Variants in HIBCH observed in about 807,000 individuals in gnomAD.
HIBCH encodes 3-hydroxyisobutyryl-CoA hydrolase, mitochondrial.
A neutral mutation model predicts 58.2 loss-of-function variants in HIBCH; 50 were observed. The observed-to-expected ratio is 0.86, with a 90% CI of 0.68 to 1.09. The LOEUF (loss-of-function observed/expected upper bound fraction) is 1.09. HIBCH is among the 50% of genes least tolerant of loss of function. The pLI is 0.00. For synonymous variants in HIBCH, 151 were observed against 146.9 expected, an observed-to-expected ratio of 1.03 and a Z score of -0.20; for missense variants, 450 against 449.7, an observed-to-expected ratio of 1.00 and a Z score of -0.01.
intron 11 of HIBCH, among the ~76,000 whole-genome samples, chr2:190,240,773 C>T (rs1686428213): frequency 6.6e-6 from 1 of 152,128 alleles, no homozygotes; most frequent in African/African-American, 2.4e-5. Context: ...GTTCACTTTC[C>T]ATGTATTGTG....
Position 190,205,012 on chromosome 2 carries a change from T to C in HIBCH, c.*105A>G. 1.4e-6 allele frequency: 1 copy of C among 704,190 alleles called. No homozygotes were observed. The highest frequency in any genetic ancestry group is 2.6e-6 in the Non-Finnish European group (1 of 382,456). 43.6% of individuals were successfully genotyped at this position (704,190 alleles called of 1,614,324 possible). A position where few individuals can be genotyped will look rare whatever the true frequency, so the allele number is the denominator to read the frequency against. ...CAACCATTTAAAAATGCGGAAACCA[T>C]TCTTAGCTTACAGGGTATATAAAAA... On this transcript the variant is annotated 3_prime_UTR_variant, in exon 14 of 14. Transcript: ENST00000359678.
intron 9 of HIBCH, among the ~76,000 whole-genome samples, chr2:190,249,200 T>C (rs1686694088): frequency 6.6e-6 from 1 of 152,200 alleles, no homozygotes; most frequent in Non-Finnish European, 1.5e-5. Flanking sequence ...CTAGAAGTTA[T>C]GGAGTGTTTT....
In HIBCH at chr2:190,284,892, T is replaced by G. The variant is rs1350793443; in HGVS notation, c.438+2694A>C. Among the ~76,000 whole-genome samples the G allele has an allele frequency of 2.6e-5, 4 of 152,200 alleles. No individual in the cohort carries two copies. The East Asian group carries it at 7.7e-4, about 29-fold the overall frequency. On this transcript the variant is annotated intron_variant, in intron 6 of 13. Coordinates refer to ENST00000359678, the MANE Select transcript of HIBCH (RefSeq NM_014362.4). The stretch of plus-strand genomic sequence containing the variant: ...TGGGAGTATTTGTTTTTACTTAAAG[T>G]CTTATTTCATTATATCTGATCATCA...
intron 11 of HIBCH, among the ~76,000 whole-genome samples, chr2:190,230,272 A>G (rs1319099092): frequency 6.6e-6 from 1 of 152,198 alleles, no homozygotes; most frequent in Non-Finnish European, 1.5e-5. Context: ...GTAAATGGGG[A>G]TGGTGGGTGG....
intron 6 of HIBCH, among the ~76,000 whole-genome samples, chr2:190,275,569 T>C (rs1687525474): frequency 6.6e-6 from 1 of 152,138 alleles, no homozygotes; most frequent in South Asian, 2.1e-4. Context: ...TACGCTAAAA[T>C]TGAAGCAAGA....
intron 1 of HIBCH, 47 bp downstream of exon 1, chr2:190,319,669 G>C (rs1197584370): frequency 6.7e-7 from 1 of 1,500,452 alleles, no homozygotes; most frequent in South Asian, 1.1e-5. Flanking sequence ...CCACTGTGGC[G>C]AGTGCCGCTG....
chr2:190,265,570 C>T lies in HIBCH; in HGVS notation c.439-4336G>A, dbSNP rs76675030. On this transcript the variant is annotated intron_variant, in intron 6 of 13. Transcript: ENST00000359678. ...TTTCAGTCTGTGGCTTGCCTTTTCA[C>T]TGTTTCAAGGATGTCTTGGAATGAA... Among the ~76,000 whole-genome samples the T allele has an allele frequency of 3.4e-3, 514 of 151,884 alleles. 7 individuals are homozygous for T. The highest frequency in any genetic ancestry group is 0.012 in the African/African-American group (488 of 41,400).
At chr2:190,195,941 CTTTTTTTTTTTT>C (rs35679833) in intron 1 of HIBCH, among the ~76,000 whole-genome samples, 1 of 86,210 alleles carries the variant, frequency 1.2e-5, no homozygotes, top group African/African-American at 4.1e-5. Context: ...CTGTGTCCAG[CTTTTTTTTTTTT>C]TTTTTTTTTG....
intron 11 of HIBCH, among the ~76,000 whole-genome samples, chr2:190,226,412 A>G (rs1247077885): frequency 6.6e-6 from 1 of 152,168 alleles, no homozygotes; most frequent in Non-Finnish European, 1.5e-5. Flanking sequence ...CCTGACCAAC[A>G]TGGAGAAACA....
intron 1 of HIBCH, among the ~76,000 whole-genome samples, chr2:190,314,009 G>A (rs1688625414): frequency 6.6e-6 from 1 of 151,944 alleles, no homozygotes. Flanking sequence ...AATGACTTTG[G>A]ATTCCTTAAT....
At chr2:190,291,215 A>G (rs1687948579) in intron 4 of HIBCH, among the ~76,000 whole-genome samples, 1 of 152,176 alleles carries the variant, frequency 6.6e-6, no homozygotes. Context: ...TAAAACATTT[A>G]TTGAGCACCT....
At chr2:190,319,277 C>T (rs912520029) in intron 1 of HIBCH, among the ~76,000 whole-genome samples, 3 of 152,218 alleles carry the variant, frequency 2.0e-5, no homozygotes, top group African/African-American at 7.2e-5. Flanking sequence ...ACGCTGCAGC[C>T]ATGCAAGAAA....
At position 190,197,776 on chromosome 2, in the gene HIBCH, A is replaced by C. The variant is rs1690049355; in HGVS notation, c.*17+7324T>G. ...TTTTAAAACTGGTTTTGGCAAATGCACAAATCTGGCACTACTTTGTTAGGG... is the reference window on the plus strand; with the variant it reads ...TTTTAAAACTGGTTTTGGCAAATGCCCAAATCTGGCACTACTTTGTTAGGG... On this transcript the variant is annotated intron_variant, in intron 1 of 1. Coordinates refer to the HIBCH transcript ENST00000399855. This position sits in a 1 kb window ranked among gnomAD's most constrained non-coding sequence, Gnocchi z 4.0. Among the ~76,000 whole-genome samples, 1 of 152,236 alleles carries C rather than the reference A, an allele frequency of 6.6e-6. No individual in the cohort carries two copies. Among genetic ancestry groups the C allele is most frequent in the Non-Finnish European group, 1.5e-5 (1 of 68,036 alleles).
At chr2:190,240,901 G>C (rs1686432755) in intron 11 of HIBCH, among the ~76,000 whole-genome samples, 1 of 152,048 alleles carries the variant, frequency 6.6e-6, no homozygotes, top group Admixed American at 6.6e-5. Flanking sequence ...CCAATTATGT[G>C]GTTTATTTTA....
chr2:190,293,492 A>G (rs1430972986), intron 4 of HIBCH, among the ~76,000 whole-genome samples: 1 of 152,098 alleles, frequency 6.6e-6, no homozygotes, highest in Non-Finnish European at 1.5e-5. Context: ...TAATAAAAAA[A>G]CGCATGTTGT....
intron 2 of HIBCH, among the ~76,000 whole-genome samples, chr2:190,307,274 A>C (rs150780752): frequency 6.5e-4 from 99 of 152,356 alleles, no homozygotes; most frequent in African/African-American, 2.3e-3. Context: ...TCAATACTGA[A>C]TACTACTTTC....
At chr2:190,230,915 T>C (rs58038231) in intron 11 of HIBCH, among the ~76,000 whole-genome samples, 1,910 of 152,252 alleles carry the variant, frequency 0.013, 45 homozygotes, top group African/African-American at 0.042. Context: ...CAATCTCTCA[T>C]AAACATAATG....
chr2:190,316,839 A>G (rs1000194273), intron 1 of HIBCH, among the ~76,000 whole-genome samples: 2 of 152,248 alleles, frequency 1.3e-5, no homozygotes, highest in African/African-American at 4.8e-5. Context: ...GCAAGAACCA[A>G]AACAATACAG....
intron 11 of HIBCH, chr2:190,213,405 A>G: frequency 3.2e-6 from 1 of 309,792 alleles, no homozygotes; most frequent in South Asian, 3.2e-5. Flanking sequence ...AACCAATCAT[A>G]TTCATGGAGT....
Sources: allele counts gnomAD v4.1 joint callset (sites outside exome capture counted in the v4.1 genomes callset), GRCh38; gene constraint gnomAD v4.1.1; non-coding constraint Gnocchi (gnomAD v3.1); transcripts MANE v1.5; gene names NCBI Gene and HGNC (gene_info 2026-07-23, HGNC 2026-07-21).